Variants in CHADL observed in about 807,000 individuals in gnomAD.
CHADL encodes the protein chondroadherin like.
Under a neutral mutation model 52.1 loss-of-function variants are expected in CHADL, and 48 were observed. The observed-to-expected ratio is 0.92, with a 90% CI of 0.73 to 1.17. The LOEUF (loss-of-function observed/expected upper bound fraction) is 1.17. CHADL is among the 50% of genes most tolerant of loss of function. The pLI, the probability that CHADL is intolerant of heterozygous loss-of-function variation, is 0.00. For missense variants in CHADL, 977 were observed against 1,035.1 expected (o/e 0.94, Z 0.77); for synonymous variants, 498 against 511.2 (o/e 0.97, Z 0.35).
Position 41,229,547 on chromosome 22 carries a change from A to T in CHADL, c.*157T>A. On this transcript the variant is annotated 3_prime_UTR_variant, in exon 6 of 6. Coordinates refer to ENST00000216241, the MANE Select transcript of CHADL (RefSeq NM_138481.2). The stretch of plus-strand genomic sequence containing the variant: ...ATCCATTTTTATTCAAAGGGAAAAG[A>T]ATCCCGCCCACTAAGACGCGACCCC... 1.9e-6 allele frequency: 3 copies of T among 1,609,642 alleles called. No homozygotes were observed. The highest frequency in any genetic ancestry group is 2.5e-6 in the Non-Finnish European group (3 of 1,176,672).
intron 5 of CHADL, among the ~76,000 whole-genome samples, chr22:41,233,220 G>T (rs1232217270): frequency 6.6e-6 from 1 of 152,130 alleles, no homozygotes; most frequent in African/African-American, 2.4e-5. Context: ...CCAGCACTTT[G>T]GGAGGCTGAG....
chr22:41,230,570 G>A (rs979886964), intron 5 of CHADL: 9 of 354,504 alleles, frequency 2.5e-5, no homozygotes, highest in East Asian at 2.0e-4. Flanking sequence ...GCCTCCCCCC[G>A]ACCCGCCACG....
rs1385262420 is a variant in CHADL at position 41,238,829 on chromosome 22, G to A, written c.243C>T (p.Ala81=). The A allele has an allele frequency of 6.5e-7, 1 of 1,547,926 alleles. No homozygotes were observed. Among genetic ancestry groups the A allele is most frequent in the Non-Finnish European group, 8.7e-7 (1 of 1,145,292 alleles). ...GNLLKVIPAA[A]FQGVPHLTHL... ...GTGTGAGGTGAGGCACGCCCTGGAA[G>A]GCGGCTGCGGGGATCACCTTCAGCA... The change falls in exon 3 of 6, where the codon GCC becomes GCT. Residue 81 remains alanine, a synonymous_variant. Coordinates refer to ENST00000216241, the MANE Select transcript of CHADL (RefSeq NM_138481.2). This position sits in a 1 kb window ranked among gnomAD's most constrained non-coding sequence, Gnocchi z 4.9.
chr22:41,231,338 T>C (rs988253527), intron 5 of CHADL: 3 of 152,170 alleles, frequency 2.0e-5, no homozygotes, highest in Non-Finnish European at 2.9e-5. Context: ...CCTCGTGGTA[T>C]CGATCATGAA....
rs908523367 is a variant in CHADL, at chr22:41,239,021, C to G, written c.187-136G>C. ...CTTCATCCGACCCCTGACACCTCCT[C>G]CAGGAAGCCTTCCTCTCCAGTGCCC... On this transcript the variant is annotated intron_variant, in intron 2 of 5. Transcript: ENST00000216241. 5.0e-6 allele frequency: 6 copies of G among 1,202,560 alleles called. No homozygotes were observed. In the African/African-American group the frequency reaches 9.2e-5, roughly 18 times the overall value. 74.5% of individuals were successfully genotyped at this position (1,202,560 alleles called of 1,614,324 possible). A position where few individuals can be genotyped will look rare whatever the true frequency, so the allele number is the denominator to read the frequency against.
Position 41,229,628 on chromosome 22 carries a change from G to C in CHADL, c.*76C>G. On this transcript the variant is annotated 3_prime_UTR_variant, in exon 6 of 6. Coordinates refer to ENST00000216241, the MANE Select transcript of CHADL (RefSeq NM_138481.2). ...AGGACGACCCTCAGGGTGCCAGGAAGATCTCGTCGGAGCCTGTTCCTGGCG... is the reference window on the plus strand; with the variant it reads ...AGGACGACCCTCAGGGTGCCAGGAACATCTCGTCGGAGCCTGTTCCTGGCG... 1.2e-6 allele frequency: 2 copies of C among 1,613,802 alleles called. No individual in the cohort carries two copies. Among genetic ancestry groups the C allele is most frequent in the Non-Finnish European group, 8.5e-7 (1 of 1,179,988 alleles).
chr22:41,239,315 G>C (rs771806614), intron 2 of CHADL, 128 bp downstream of exon 2: 1 of 772,468 alleles, frequency 1.3e-6, no homozygotes, highest in East Asian at 2.8e-5. Context: ...GAGGCTCAAA[G>C]AGAAGTAATT....
chr22:41,230,232 A>C, intron 5 of CHADL: 2 of 1,613,762 alleles, frequency 1.2e-6, no homozygotes, highest in Non-Finnish European at 1.7e-6. Flanking sequence ...GAGAACATCA[A>C]GCAGGAAACA....
intron 5 of CHADL, among the ~76,000 whole-genome samples, chr22:41,232,111 T>A (rs1190919813): frequency 6.6e-6 from 1 of 152,030 alleles, no homozygotes; most frequent in East Asian, 1.9e-4. Flanking sequence ...GGCGGGCGGA[T>A]CACAAGGTCA....
rs930018629 is a variant in CHADL, at chr22:41,235,346, G to A, written c.2064-3C>T. On this transcript the variant is annotated splice_polypyrimidine_tract_variant and splice_region_variant and intron_variant, in intron 4 of 5. Coordinates refer to ENST00000216241, the MANE Select transcript of CHADL (RefSeq NM_138481.2). ...GCAGGTTCAGCCCAGTAAGCCACCT[G>A]AAGAGAAAAGAGAGCTGGGGAGCTA... is the stretch of plus-strand genomic sequence containing the variant. 2 of 1,549,958 alleles carry A rather than the reference G, an allele frequency of 1.3e-6. No individual in the cohort carries two copies. The highest frequency in any genetic ancestry group is 1.7e-6 in the Non-Finnish European group (2 of 1,146,620).
Position 41,239,437 on chromosome 22 carries a change from G to A in CHADL, c.186+6C>T, listed in dbSNP as rs1223267066. On this transcript the variant is annotated splice_donor_region_variant and intron_variant, in intron 2 of 5. Coordinates refer to ENST00000216241, the MANE Select transcript of CHADL (RefSeq NM_138481.2). ...CACTCTGTGCCTGTGCTCCTGCCCT[G>A]CTGACCTCAGGGATGGCGTCTGGCA... 6.5e-7 allele frequency: 1 copy of A among 1,550,148 alleles called. No individual in the cohort carries two copies. The highest frequency in any genetic ancestry group is 2.4e-5 in the East Asian group (1 of 40,844).
chr22:41,231,208 C>A (rs988742370), intron 5 of CHADL: 3 of 152,176 alleles, frequency 2.0e-5, no homozygotes, highest in African/African-American at 7.2e-5. Context: ...ATCTAGCTGC[C>A]ATTGCAACCT....
Position 41,235,174 on chromosome 22 carries a change from TG to T in CHADL, c.2232del (p.Ile745SerfsTer49), listed in dbSNP as rs2032716442. ...PASRPSARRT[P>X]IKGRQCGADK... is the part of the protein sequence containing the mutation. ...TCTGCTCCACACTGTCTTCCTTTGA[TG>T]GGGGTTCTCCTGGCACTGGGCCTGG... On this transcript the variant is annotated frameshift_variant, in exon 5 of 6. Transcript: ENST00000216241. LOFTEE classifies it low-confidence loss of function (END_TRUNC). 1.9e-6 allele frequency: 3 copies of T among 1,551,386 alleles called. No individual in the cohort carries two copies. The highest frequency in any genetic ancestry group is 1.7e-4 in the Middle Eastern group (1 of 6,014).
In CHADL at chr22:41,238,321, G is replaced by T. The variant is rs2145637788; in HGVS notation, c.751C>A (p.Leu251Met). The T allele has an allele frequency of 6.6e-7, 1 of 1,523,694 alleles. No homozygotes were observed. The highest frequency in any genetic ancestry group is 2.5e-5 in the East Asian group (1 of 40,576). The allele number at this position is 1,523,694 out of a possible 1,614,324, so 94.4% of individuals were successfully genotyped here. A position where few individuals can be genotyped will look rare whatever the true frequency, so the allele number is the denominator to read the frequency against. ...AGCTCCCGCAGGCCGGGCAGCGCCAGCCCGTCCTCCTCGCCCGCGTAGGTG... is the reference window on the plus strand; with the variant it reads ...AGCTCCCGCAGGCCGGGCAGCGCCATCCCGTCCTCCTCGCCCGCGTAGGTG... ...PLTYAGEEDG[L>M]ALPGLRELLL... The change falls in exon 3 of 6, where the codon CTG (leucine) becomes ATG (methionine). Residue 251 changes from leucine (L) to methionine (M), a missense_variant. Coordinates refer to ENST00000216241, the MANE Select transcript of CHADL (RefSeq NM_138481.2). This position sits in a 1 kb window ranked among gnomAD's most constrained non-coding sequence, Gnocchi z 4.9.
chr22:41,232,148 C>T (rs533465314), intron 5 of CHADL, among the ~76,000 whole-genome samples: 179 of 151,754 alleles, frequency 1.2e-3, no homozygotes, highest in Middle Eastern at 3.4e-3. Flanking sequence ...CTGGCTAACA[C>T]GATGAAACCC....
chr22:41,240,801 G>A (rs2032848791), intron 1 of CHADL, 73 bp downstream of exon 1: 3 of 1,528,440 alleles, frequency 2.0e-6, no homozygotes, highest in African/African-American at 1.4e-5. Context: ...GAGGCCCAGA[G>A]GGGGCAGAGA....
chr22:41,233,108 T>A (rs191260528), intron 5 of CHADL, among the ~76,000 whole-genome samples: 33 of 152,094 alleles, frequency 2.2e-4, no homozygotes, highest in African/African-American at 7.2e-4. Flanking sequence ...ACAGAAGTAA[T>A]GAAGTTAAAA....
chr22:41,229,821 C>T (rs1458209093), intron 5 of CHADL, 91 bp from the exon 6 acceptor site: 22 of 1,187,798 alleles, frequency 1.9e-5, no homozygotes, highest in South Asian at 6.5e-5. Flanking sequence ...TTCCCAGACA[C>T]GCCCCCAACT....
chr22:41,233,938 A>T (rs1004533580), intron 5 of CHADL, among the ~76,000 whole-genome samples: 2 of 152,146 alleles, frequency 1.3e-5, no homozygotes, highest in African/African-American at 4.8e-5. Flanking sequence ...AGTGGTTCCT[A>T]CATACGGGGG....
Sources: gnomAD v4.1 joint callset for allele counts (sites outside exome capture counted in the v4.1 genomes callset) on GRCh38, gnomAD v4.1.1 for gene constraint, Gnocchi (gnomAD v3.1) non-coding constraint, MANE v1.5 for transcripts, NCBI Gene and HGNC (gene_info 2026-07-23, HGNC 2026-07-21) for gene names.